Variants in GABBR2 observed in about 807,000 individuals in gnomAD.
GABBR2 encodes the protein gamma-aminobutyric acid type B receptor subunit 2.
Under a neutral mutation model 105.6 loss-of-function variants are expected in GABBR2, and 23 were observed. That is an observed-to-expected ratio of 0.22 (90% CI 0.16 to 0.31). The LOEUF (loss-of-function observed/expected upper bound fraction) is 0.31, where lower values mean the gene tolerates loss of function less well. Among genes scored for constraint, GABBR2 ranks in the 10% least tolerant of loss-of-function variants. The pLI, the probability that GABBR2 is intolerant of heterozygous loss-of-function variation, is 1.00. For missense variants in GABBR2, 734 were observed against 1,245.5 expected (o/e 0.59, Z 6.18); for synonymous variants, 478 against 499.7 (o/e 0.96, Z 0.58).
intron 2 of GABBR2, among the ~76,000 whole-genome samples, chr9:98,573,738 A>T (rs2131775924): frequency 6.6e-6 from 1 of 152,342 alleles, no homozygotes; most frequent in African/African-American, 2.4e-5. Flanking sequence ...GTGTTTCTCA[A>T]CCTTCGTTTC....
chr9:98,325,834 C>A (rs2131382271), intron 13 of GABBR2, among the ~76,000 whole-genome samples: 1 of 152,296 alleles, frequency 6.6e-6, no homozygotes, highest in African/African-American at 2.4e-5. Flanking sequence ...GTCACACACA[C>A]ACATGCACAT....
At chr9:98,569,753 A>G (rs1281765692) in intron 2 of GABBR2, among the ~76,000 whole-genome samples, 1 of 152,138 alleles carries the variant, frequency 6.6e-6, no homozygotes, top group East Asian at 1.9e-4. Flanking sequence ...GGGAGACTGG[A>G]CCTAATGCCT....
At chr9:98,365,236 A>G (rs1831656013) in intron 12 of GABBR2, among the ~76,000 whole-genome samples, 1 of 152,226 alleles carries the variant, frequency 6.6e-6, no homozygotes, top group Non-Finnish European at 1.5e-5. Flanking sequence ...CTTAAATTGT[A>G]CAGTTAGTAT....
intron 7 of GABBR2, among the ~76,000 whole-genome samples, chr9:98,417,921 A>C (rs1832716412): frequency 6.6e-6 from 1 of 152,156 alleles, no homozygotes; most frequent in South Asian, 2.1e-4. Context: ...CAGTGCATGC[A>C]AAGCCTAGAG....
At position 98,421,701 on chromosome 9, in the gene GABBR2, G is replaced by A. The variant is rs186672143; in HGVS notation, c.1237-15560C>T. On this transcript the variant is annotated intron_variant, in intron 7 of 18. Coordinates refer to ENST00000259455, the MANE Select transcript of GABBR2 (RefSeq NM_005458.8). Reference sequence around the variant, plus strand: ...TTAATAGGTAAGCACATTTTTGGAAGGAAATTTAATTTCCAAAAACATGGC... The same window carrying A: ...TTAATAGGTAAGCACATTTTTGGAAAGAAATTTAATTTCCAAAAACATGGC... 4.7e-4 allele frequency among the ~76,000 whole-genome samples: 72 copies of A among 152,210 alleles called. 1 individual carries two copies. The highest frequency in any genetic ancestry group is 3.8e-4 in the Non-Finnish European group (26 of 68,002).
chr9:98,554,293 AAGGGTGC>A (rs1828543415), intron 2 of GABBR2, among the ~76,000 whole-genome samples: 1 of 152,024 alleles, frequency 6.6e-6, no homozygotes, highest in Non-Finnish European at 1.5e-5. Context: ...CCTAGGATTT[AAGGGTGC>A]AGTGAGCCAG....
At chr9:98,338,914 T>C (rs969285044) in intron 13 of GABBR2, among the ~76,000 whole-genome samples, 1 of 152,054 alleles carries the variant, frequency 6.6e-6, no homozygotes, top group African/African-American at 2.4e-5. Context: ...AAAAACAAAA[T>C]GCAATATATT....
intron 1 of GABBR2, chr9:98,606,989 T>C: frequency 1.2e-6 from 1 of 843,420 alleles, no homozygotes. Flanking sequence ...TCGCCCCATG[T>C]CGCTCGGTAG....
At chr9:98,466,358 T>C (rs796394829) in intron 6 of GABBR2, among the ~76,000 whole-genome samples, 7 of 152,326 alleles carry the variant, frequency 4.6e-5, no homozygotes, top group African/African-American at 1.7e-4. Flanking sequence ...CTGTAACACA[T>C]AAAGGCAGTT....
intron 1 of GABBR2, among the ~76,000 whole-genome samples, chr9:98,672,942 A>G (rs1830423881): frequency 6.6e-6 from 1 of 152,208 alleles, no homozygotes; most frequent in African/African-American, 2.4e-5. Context: ...TTCTACATTC[A>G]CAATAATTGT....
At chr9:98,634,469 G>A (rs941007086) in intron 1 of GABBR2, among the ~76,000 whole-genome samples, 7 of 152,166 alleles carry the variant, frequency 4.6e-5, no homozygotes, top group Non-Finnish European at 8.8e-5. Flanking sequence ...CCTGTAAGAA[G>A]AGAATAAGAC....
intron 1 of GABBR2, among the ~76,000 whole-genome samples, chr9:98,631,469 T>C (rs1829815196): frequency 6.6e-6 from 1 of 152,236 alleles, no homozygotes; most frequent in Admixed American, 6.5e-5. Flanking sequence ...ACATTGAGGA[T>C]AAAACAGGTA....
chr9:98,646,170 CTCTGA>C (rs1478770213), intron 1 of GABBR2, among the ~76,000 whole-genome samples: 1 of 152,188 alleles, frequency 6.6e-6, no homozygotes, highest in Non-Finnish European at 1.5e-5. Flanking sequence ...TCCCACTCCC[CTCTGA>C]TAAGAATGGC....
intron 13 of GABBR2, among the ~76,000 whole-genome samples, chr9:98,359,015 T>A (rs1259769288): frequency 1.3e-5 from 2 of 152,150 alleles, no homozygotes; most frequent in Non-Finnish European, 2.9e-5. Context: ...ATCTATAAAA[T>A]GGGGGCAAAA....
intron 1 of GABBR2, among the ~76,000 whole-genome samples, chr9:98,653,533 T>C (rs1199471558): frequency 1.3e-5 from 2 of 152,258 alleles, no homozygotes; most frequent in South Asian, 4.1e-4. Context: ...CCATGATTCC[T>C]AGGTAGAATA....
intron 6 of GABBR2, among the ~76,000 whole-genome samples, chr9:98,459,154 C>G (rs980128492): frequency 9.2e-5 from 14 of 152,204 alleles, no homozygotes; most frequent in African/African-American, 3.4e-4. Flanking sequence ...GATGCCTCCC[C>G]TTTTCTAATG....
At chr9:98,320,733 A>C (rs983061062) in intron 13 of GABBR2, among the ~76,000 whole-genome samples, 11 of 151,226 alleles carry the variant, frequency 7.3e-5, no homozygotes, top group Admixed American at 3.3e-4. Context: ...CAAGAACAAA[A>C]AACCAAACAC....
intron 7 of GABBR2, among the ~76,000 whole-genome samples, chr9:98,415,489 C>T (rs1450483804): frequency 6.6e-6 from 1 of 152,174 alleles, no homozygotes; most frequent in Non-Finnish European, 1.5e-5. Flanking sequence ...TGAACAAGTT[C>T]AGATTCAGGC....
At chr9:98,369,261 C>A (rs1831735983) in intron 12 of GABBR2, among the ~76,000 whole-genome samples, 1 of 152,190 alleles carries the variant, frequency 6.6e-6, no homozygotes, top group Non-Finnish European at 1.5e-5. Flanking sequence ...GGCCCCTTCC[C>A]CACTCTAAAT....
Sources: gnomAD v4.1 joint callset for allele counts (sites outside exome capture counted in the v4.1 genomes callset) on GRCh38, gnomAD v4.1.1 for gene constraint, MANE v1.5 for transcripts, NCBI Gene and HGNC (gene_info 2026-07-23, HGNC 2026-07-21) for gene names.